The following FRMD6 variants were observed in gnomAD, a reference collection of about 807,000 sequenced individuals.
FRMD6 encodes the protein FERM domain containing 6.
Under a neutral mutation model 73.2 loss-of-function variants are expected in FRMD6, and 37 were observed. The ratio of observed to expected loss-of-function variants is 0.51; its 90% CI spans 0.39 to 0.66. FRMD6 has a LOEUF of 0.66. Ranked by LOEUF, FRMD6 falls within the 30% of genes least tolerant of loss-of-function variation. The probability of loss-of-function intolerance (pLI) is 0.00; values close to 1 mark genes in which losing one functional copy is unlikely to be tolerated. For synonymous variants in FRMD6, 273 were observed against 282.2 expected (o/e 0.97, Z 0.33); for missense variants, 714 against 780.5 (o/e 0.91, Z 1.02).
the FRMD6 span, among the ~76,000 whole-genome samples, chr14:51,478,906 T>A: frequency 6.6e-6 from 1 of 152,106 alleles, no homozygotes; most frequent in Middle Eastern, 3.2e-3. Flanking sequence ...CACACCATAG[T>A]TGTCAAAAGA....
intron 1 of FRMD6, chr14:51,652,346 C>A (rs1049460579): frequency 2.0e-5 from 3 of 152,872 alleles, no homozygotes; most frequent in African/African-American, 7.2e-5. Flanking sequence ...GGGCGGGAGG[C>A]TGGTCCTGGC....
Position 51,728,043 on chromosome 14 carries a change from G to T in FRMD6, c.*14G>T, listed in dbSNP as rs750238716. 2.5e-6 allele frequency: 4 copies of T among 1,597,042 alleles called. No homozygotes were observed. Among genetic ancestry groups the T allele is most frequent in the Non-Finnish European group, 3.4e-6 (4 of 1,167,648 alleles). On this transcript the variant is annotated 3_prime_UTR_variant, in exon 14 of 14. Transcript: ENST00000344768. ...TTTGTTGTGTAAAGTCCGTCTGTGT[G>T]CAGCTGTACAGGCAGCTTACTGTTT...
chr14:51,451,280 T>A, the FRMD6 span, among the ~76,000 whole-genome samples: 1 of 152,198 alleles, frequency 6.6e-6, no homozygotes, highest in Non-Finnish European at 1.5e-5. Flanking sequence ...ATGTTGGAGG[T>A]GAGGCCTAGT....
the FRMD6 span, among the ~76,000 whole-genome samples, chr14:51,445,473 A>ATTT: frequency 1.8e-4 from 3 of 16,596 alleles, no homozygotes; most frequent in African/African-American, 1.8e-3. Context: ...ACAGAAGTGC[A>ATTT]ATTTTTTTTT....
At chr14:51,462,882 T>G in the FRMD6 span, among the ~76,000 whole-genome samples, 1 of 152,186 alleles carries the variant, frequency 6.6e-6, no homozygotes, top group Non-Finnish European at 1.5e-5. Context: ...CTGAGAGTTC[T>G]AATCCTCTCT....
At chr14:51,645,867 G>C (rs1892041736) in intron 2 of FRMD6, among the ~76,000 whole-genome samples, 1 of 152,114 alleles carries the variant, frequency 6.6e-6, no homozygotes, top group African/African-American at 2.4e-5. Context: ...AAACAGAATG[G>C]ACAGGTTTCA....
intron 1 of FRMD6, among the ~76,000 whole-genome samples, chr14:51,519,132 C>A (rs865825221): frequency 6.6e-6 from 1 of 151,886 alleles, no homozygotes; most frequent in African/African-American, 2.4e-5. Context: ...GGATGTTGTA[C>A]GTTTTCCCAA....
chr14:51,479,285 A>G, the FRMD6 span, among the ~76,000 whole-genome samples: 776 of 152,328 alleles, frequency 5.1e-3, 7 homozygotes, highest in Non-Finnish European at 7.8e-3. Flanking sequence ...CACATTGTAC[A>G]AACATGTTCA....
the FRMD6 span, among the ~76,000 whole-genome samples, chr14:51,459,826 C>CAAAA: frequency 6.9e-5 from 4 of 58,236 alleles, no homozygotes; most frequent in African/African-American, 7.3e-5. Flanking sequence ...GACTCCATTT[C>CAAAA]AAAAAAAAAA....
chr14:51,420,807 C>T, the FRMD6 span, among the ~76,000 whole-genome samples: 43 of 152,292 alleles, frequency 2.8e-4, no homozygotes, highest in African/African-American at 9.4e-4. Flanking sequence ...TGGAGTCTCG[C>T]TCTGTCACCC....
the FRMD6 span, among the ~76,000 whole-genome samples, chr14:51,472,595 A>G: frequency 6.6e-6 from 1 of 152,092 alleles, no homozygotes; most frequent in Non-Finnish European, 1.5e-5. Flanking sequence ...GAGCCTCCGC[A>G]CCCAGCCTGC....
chr14:51,521,844 A>G (rs192705785), intron 1 of FRMD6, among the ~76,000 whole-genome samples: 7 of 152,296 alleles, frequency 4.6e-5, no homozygotes, highest in Admixed American at 4.6e-4. Flanking sequence ...TTAACTGACC[A>G]AGATAAATTT....
At chr14:51,523,141 T>G (rs1596535520) in intron 1 of FRMD6, among the ~76,000 whole-genome samples, 1 of 152,176 alleles carries the variant, frequency 6.6e-6, no homozygotes, top group East Asian at 1.9e-4. Flanking sequence ...AAAAAACATT[T>G]AAACATAAAA....
chr14:51,524,274 T>C (rs904860982), intron 1 of FRMD6, among the ~76,000 whole-genome samples: 6 of 152,142 alleles, frequency 3.9e-5, no homozygotes, highest in African/African-American at 1.4e-4. Context: ...GGTCAAAAGG[T>C]AACTTATAAA....
intron 10 of FRMD6, among the ~76,000 whole-genome samples, chr14:51,718,599 T>C (rs901157323): frequency 3.9e-5 from 6 of 152,236 alleles, no homozygotes; most frequent in African/African-American, 1.4e-4. Context: ...ACCTGCTGAT[T>C]CAGAAGATGG....
At chr14:51,636,461 T>A (rs116424290) in intron 2 of FRMD6, among the ~76,000 whole-genome samples, 97 of 152,320 alleles carry the variant, frequency 6.4e-4, no homozygotes, top group African/African-American at 2.2e-3. Context: ...TTTCTGCCAA[T>A]AACTAAATTG....
At chr14:51,674,995 G>C (rs1894284501) in intron 1 of FRMD6, among the ~76,000 whole-genome samples, 1 of 152,036 alleles carries the variant, frequency 6.6e-6, no homozygotes, top group East Asian at 1.9e-4. Flanking sequence ...AATTGACCTT[G>C]GTTTGTATAT....
chr14:51,539,269 C>A (rs1462709054), intron 1 of FRMD6, among the ~76,000 whole-genome samples: 1 of 152,068 alleles, frequency 6.6e-6, no homozygotes, highest in Admixed American at 6.5e-5. Context: ...CCTCCCTGAG[C>A]TGCCCCCACC....
chr14:51,619,304 AG>A (rs1425526469), intron 2 of FRMD6, among the ~76,000 whole-genome samples: 1 of 152,118 alleles, frequency 6.6e-6, no homozygotes, highest in Admixed American at 6.5e-5. Flanking sequence ...ACTTACACAA[AG>A]ACTTCTGTGG....
Sources: gnomAD v4.1 joint callset for allele counts (sites outside exome capture counted in the v4.1 genomes callset) on GRCh38, gnomAD v4.1.1 for gene constraint, MANE v1.5 for transcripts, NCBI Gene and HGNC (gene_info 2026-07-23, HGNC 2026-07-21) for gene names.